OR3A2: variants seen among roughly 807,000 people sequenced by gnomAD.
OR3A2 encodes the protein olfactory receptor family 3 subfamily A member 2.
For synonymous variants in OR3A2, 126 were observed against 159.3 expected (o/e 0.79, Z 1.57); for missense variants, 318 against 392.8 (o/e 0.81, Z 1.61).
chr17:3,294,802 G>C (rs556594261), intron 3 of OR3A2, among the ~76,000 whole-genome samples: 1 of 152,214 alleles, frequency 6.6e-6, no homozygotes, highest in South Asian at 2.1e-4. Flanking sequence ...GCAGTCTCCG[G>C]GGGAAGAAAT....
Position 3,369,793 on chromosome 17 carries a change from G to A in OR3A2, c.-179+14011C>T, listed in dbSNP as rs913893245. On this transcript the variant is annotated intron_variant, in intron 2 of 4. Transcript: ENST00000573491. ...CTCTTTATCTTTTTGAATGGTTTCCGTTAGATTGGTACTTTTTTTTTTTTT... is the reference window on the plus strand; with the variant it reads ...CTCTTTATCTTTTTGAATGGTTTCCATTAGATTGGTACTTTTTTTTTTTTT... Among the ~76,000 whole-genome samples, 17 of 136,856 alleles carry A rather than the reference G, an allele frequency of 1.2e-4. No individual in the cohort carries two copies. In the East Asian group the frequency reaches 2.0e-3, roughly 16 times the overall value. 89.8% of individuals were successfully genotyped at this position (136,856 alleles called of 152,430 possible).
intron 1 of OR3A2, among the ~76,000 whole-genome samples, chr17:3,282,391 G>A (rs934489783): frequency 4.7e-5 from 7 of 149,952 alleles, no homozygotes; most frequent in Admixed American, 1.3e-4. Context: ...GGGCGACTCC[G>A]TCTGAGATTC....
At chr17:3,316,635 C>A (rs1225698332) in intron 3 of OR3A2, among the ~76,000 whole-genome samples, 1 of 152,172 alleles carries the variant, frequency 6.6e-6, no homozygotes, top group Non-Finnish European at 1.5e-5. Context: ...ACAGTGACAA[C>A]CAGGACCAGG....
chr17:3,287,019 A>G (rs200658847), upstream of OR3A2, among the ~76,000 whole-genome samples: 51 of 152,016 alleles, frequency 3.4e-4, no homozygotes, highest in African/African-American at 8.9e-4. Context: ...TATTGCCTAG[A>G]TTTTCTTCTA....
intron 3 of OR3A2, among the ~76,000 whole-genome samples, chr17:3,327,643 C>G (rs2049188389): frequency 8.7e-6 from 1 of 115,364 alleles, no homozygotes. Flanking sequence ...TGCCTATGTC[C>G]TGAATGGTAA....
chr17:3,357,144 AT>A (rs1597356506), intron 2 of OR3A2, among the ~76,000 whole-genome samples: 1 of 151,760 alleles, frequency 6.6e-6, no homozygotes, highest in Non-Finnish European at 1.5e-5. Context: ...TTAGTTGTAC[AT>A]TCTTGCCTGT....
intron 1 of OR3A2, among the ~76,000 whole-genome samples, chr17:3,283,089 A>C (rs2048787338): frequency 6.6e-6 from 1 of 151,996 alleles, no homozygotes; most frequent in South Asian, 2.1e-4. Context: ...CTTGGAATTT[A>C]TGACTGTTTA....
chr17:3,302,919 T>C (rs1332658374), intron 3 of OR3A2, among the ~76,000 whole-genome samples: 4 of 152,214 alleles, frequency 2.6e-5, no homozygotes, highest in Non-Finnish European at 5.9e-5. Context: ...CTCACTAGGC[T>C]GCCCCTGTTC....
At chr17:3,298,721 C>T (rs143884992) in intron 3 of OR3A2, among the ~76,000 whole-genome samples, 4 of 152,284 alleles carry the variant, frequency 2.6e-5, no homozygotes, top group African/African-American at 4.8e-5. Context: ...GAGTCCTCAC[C>T]TCGTTGTGGA....
intron 2 of OR3A2, among the ~76,000 whole-genome samples, chr17:3,351,818 C>G (rs919974071): frequency 6.6e-6 from 1 of 152,148 alleles, no homozygotes; most frequent in Non-Finnish European, 1.5e-5. Flanking sequence ...CAGCATGGTA[C>G]TGGTACCAAA....
rs766556249 is a variant in OR3A2, at chr17:3,335,383, TG to T, written c.-85+649del. ...TGGAATATTAATCTAGCCTTTCTTT[TG>T]ATACATTTTATAAATATATGTATCC... On this transcript the variant is annotated intron_variant, in intron 3 of 4. Transcript: ENST00000573491. Among the ~76,000 whole-genome samples the T allele has an allele frequency of 1.2e-3, 187 of 152,316 alleles. 1 individual carries two copies. The highest frequency in any genetic ancestry group is 2.2e-3 in the Non-Finnish European group (151 of 68,034).
chr17:3,381,659 A>C lies in OR3A2; in HGVS notation c.-179+2145T>G, dbSNP rs112405461. 2.0e-5 allele frequency among the ~76,000 whole-genome samples: 3 copies of C among 152,352 alleles called. No individual in the cohort carries two copies. In the East Asian group the frequency reaches 5.8e-4, roughly 29 times the overall value. Reference sequence around the variant, plus strand: ...TTTTTATCCTACTTTTGGAGAAAAAAAAATGAAGCTCAAAGAGGTTAAGAA... The same window carrying C: ...TTTTTATCCTACTTTTGGAGAAAAACAAATGAAGCTCAAAGAGGTTAAGAA... On this transcript the variant is annotated intron_variant, in intron 2 of 4. Coordinates refer to the OR3A2 transcript ENST00000573491.
chr17:3,325,089 T>C (rs1387001547), intron 3 of OR3A2, among the ~76,000 whole-genome samples: 2 of 152,024 alleles, frequency 1.3e-5, no homozygotes, highest in Non-Finnish European at 1.5e-5. Flanking sequence ...TATGATTTTG[T>C]TTTTTATATC....
At chr17:3,352,273 C>A (rs1274259195) in intron 2 of OR3A2, among the ~76,000 whole-genome samples, 1 of 151,726 alleles carries the variant, frequency 6.6e-6, no homozygotes, top group Non-Finnish European at 1.5e-5. Context: ...TCTCATTTGT[C>A]CATTTTTGCT....
At chr17:3,324,386 G>A (rs1381444522) in intron 3 of OR3A2, among the ~76,000 whole-genome samples, 2 of 152,106 alleles carry the variant, frequency 1.3e-5, no homozygotes, top group East Asian at 1.9e-4. Flanking sequence ...GTCCAGCTTT[G>A]TTCCATTGCT....
chr17:3,372,447 C>T (rs372274475), intron 2 of OR3A2, among the ~76,000 whole-genome samples: 20,915 of 151,878 alleles, frequency 0.14, 1,992 homozygotes, highest in Non-Finnish European at 0.21. Flanking sequence ...GCTGCAATCT[C>T]GGCACTTTGG....
upstream of OR3A2, among the ~76,000 whole-genome samples, chr17:3,284,905 G>GGGA (rs1224108166): frequency 2.3e-4 from 35 of 151,908 alleles, 1 homozygote; most frequent in East Asian, 4.4e-3. Context: ...GACCTGGGGA[G>GGGA]GTAGGAGGAG....
chr17:3,332,425 C>T (rs1235305581), intron 3 of OR3A2, among the ~76,000 whole-genome samples: 1 of 152,050 alleles, frequency 6.6e-6, no homozygotes, highest in African/African-American at 2.4e-5. Context: ...GTGCTGCAGT[C>T]CGAAAAGCGC....
At chr17:3,308,320 C>T (rs2049013140) in intron 3 of OR3A2, among the ~76,000 whole-genome samples, 1 of 152,094 alleles carries the variant, frequency 6.6e-6, no homozygotes, top group African/African-American at 2.4e-5. Flanking sequence ...CTTTATAAGC[C>T]ATCCCCTCTG....
Sources: allele counts gnomAD v4.1 joint callset (sites outside exome capture counted in the v4.1 genomes callset), GRCh38; gene constraint gnomAD v4.1.1; transcripts MANE v1.5; gene names NCBI Gene and HGNC (gene_info 2026-07-23, HGNC 2026-07-21).